Variants in C18orf63 observed in about 807,000 individuals in gnomAD.
C18orf63 encodes uncharacterized protein C18orf63.
Under a neutral mutation model 75.3 loss-of-function variants are expected in C18orf63, and 50 were observed. That is an observed-to-expected ratio of 0.66 (90% CI 0.53 to 0.84). The LOEUF (loss-of-function observed/expected upper bound fraction) is 0.84. Among genes scored for constraint, C18orf63 ranks in the 40% least tolerant of loss-of-function variants. The pLI is 0.00. For synonymous variants in C18orf63, 232 were observed against 267.6 expected, an observed-to-expected ratio of 0.87 and a Z score of 1.30; for missense variants, 732 against 800.2, an observed-to-expected ratio of 0.91 and a Z score of 1.03.
chr18:74,356,919 A>C lies in C18orf63; in HGVS notation c.*472A>C, dbSNP rs1384976210. 2 of 152,020 alleles carry C rather than the reference A, an allele frequency of 1.3e-5. No individual in the cohort carries two copies. Among genetic ancestry groups the C allele is most frequent in the Non-Finnish European group, 2.9e-5 (2 of 67,994 alleles). The allele number at this position is 152,020 out of a possible 1,614,324, so 9.4% of individuals were successfully genotyped here. A position where few individuals can be genotyped will look rare whatever the true frequency, so the allele number is the denominator to read the frequency against. On this transcript the variant is annotated 3_prime_UTR_variant, in exon 14 of 14. Transcript: ENST00000579455. ...TCACAGACATGCTTTTTTTTGCTAT[A>C]ATCTTTTAAAGCAAATTCAAGACAT... is the stretch of plus-strand genomic sequence containing the variant.
chr18:74,333,802 T>C (rs1387540235), intron 7 of C18orf63, among the ~76,000 whole-genome samples: 1 of 152,160 alleles, frequency 6.6e-6, no homozygotes, highest in Admixed American at 6.5e-5. Context: ...TATGTGTTAG[T>C]AGAGCTTTCT....
intron 7 of C18orf63, among the ~76,000 whole-genome samples, chr18:74,336,472 T>C (rs1984393249): frequency 6.6e-6 from 1 of 152,074 alleles, no homozygotes; most frequent in African/African-American, 2.4e-5. Flanking sequence ...AATAATCTCC[T>C]CTCTTGATTT....
intron 6 of C18orf63, among the ~76,000 whole-genome samples, chr18:74,330,398 A>G (rs1984284907): frequency 6.6e-6 from 1 of 152,180 alleles, no homozygotes; most frequent in South Asian, 2.1e-4. Flanking sequence ...TGAAAAAGAA[A>G]GGTAAAGACT....
chr18:74,324,118 A>G (rs999043557), intron 4 of C18orf63, among the ~76,000 whole-genome samples: 3 of 152,246 alleles, frequency 2.0e-5, no homozygotes, highest in Non-Finnish European at 4.4e-5. Flanking sequence ...AAAGTATACA[A>G]TAATCATACA....
chr18:74,334,232 T>C (rs1984355328), intron 7 of C18orf63, among the ~76,000 whole-genome samples: 1 of 151,982 alleles, frequency 6.6e-6, no homozygotes, highest in African/African-American at 2.4e-5. Context: ...AAATACAAGT[T>C]ACAATAGGAT....
At chr18:74,355,865 T>G (rs1984756000) in intron 13 of C18orf63, among the ~76,000 whole-genome samples, 1 of 152,044 alleles carries the variant, frequency 6.6e-6, no homozygotes, top group African/African-American at 2.4e-5. Flanking sequence ...GCCATTGCAC[T>G]CCAGCCTGGG....
chr18:74,353,451 G>C lies in C18orf63; in HGVS notation c.1184G>C (p.Arg395Thr). 1 of 1,536,364 alleles carries C rather than the reference G, an allele frequency of 6.5e-7. No individual in the cohort carries two copies. The highest frequency in any genetic ancestry group is 1.2e-5 in the South Asian group (1 of 84,062). Residue 395 changes from arginine to threonine, a missense_variant, in exon 12 of 14, where the codon AGA becomes ACA. By Grantham distance (71) the Arg-to-Thr change is moderately conservative (BLOSUM62 -1). Around this residue, in one of 3 missense-constraint regions of C18orf63, gnomAD observed 495 missense variants for 508.7 expected, o/e 0.97. Transcript: ENST00000579455. ...LHLQPESVQG[R>T]KKSLSIRAPQ... Reference sequence around the variant, plus strand: ...CTCCAGCCAGAGTCTGTTCAGGGTAGAAAGAAATCCCTGTCTATCAGGGCT... The same window carrying C: ...CTCCAGCCAGAGTCTGTTCAGGGTACAAAGAAATCCCTGTCTATCAGGGCT...
At position 74,354,173 on chromosome 18, in the gene C18orf63, TCTA is replaced by T. The variant is rs1292892358; in HGVS notation, c.1907_1909del (p.Ser636_Lys637delinsTer). 1 of 1,536,162 alleles carries T rather than the reference TCTA, an allele frequency of 6.5e-7. No individual in the cohort carries two copies. Among genetic ancestry groups the T allele is most frequent in the South Asian group, 1.2e-5 (1 of 84,034 alleles). On this transcript the variant is annotated stop_gained and inframe_deletion, in exon 12 of 14. Coordinates refer to ENST00000579455, the MANE Select transcript of C18orf63 (RefSeq NM_001174123.2). LOFTEE classifies it high-confidence loss of function. ...GATAGTAAGCAAAATAGCCCACAGG[TCTA>T]AAAGAAAATTATGTCCAGAGTCTTC...
rs1984017953 is a variant in C18orf63, at chr18:74,316,126, G to C, written c.-33+17G>C. On this transcript the variant is annotated intron_variant, in intron 1 of 13. Coordinates refer to ENST00000579455, the MANE Select transcript of C18orf63 (RefSeq NM_001174123.2). ...TTCCAGTTTGTAAGACCATTTTCCT[G>C]ATTCTCTTCCCCACGGTTGCGGAGG... The C allele has an allele frequency of 2.6e-5, 4 of 152,270 alleles. No homozygotes were observed. In the South Asian group the frequency reaches 8.3e-4, roughly 32 times the overall value. The allele number at this position is 152,270 out of a possible 1,614,324, so 9.4% of individuals were successfully genotyped here.
chr18:74,328,140 T>C, intron 5 of C18orf63, 82 bp downstream of exon 5: 3 of 813,176 alleles, frequency 3.7e-6, no homozygotes, highest in Non-Finnish European at 4.0e-6. Flanking sequence ...CTCATGCTGC[T>C]AATAAAGACA....
intron 3 of C18orf63, among the ~76,000 whole-genome samples, chr18:74,320,908 T>C (rs1165930386): frequency 1.3e-5 from 2 of 152,202 alleles, no homozygotes; most frequent in African/African-American, 4.8e-5. Flanking sequence ...TTTTATTCTT[T>C]AGACTAAAAG....
At chr18:74,340,838 C>CCGGG in intron 8 of C18orf63, among the ~76,000 whole-genome samples, 1 of 152,044 alleles carries the variant, frequency 6.6e-6, no homozygotes, top group African/African-American at 2.4e-5. Context: ...ATAGTGCTTA[C>CCGGG]CGGGGCTGGG....
intron 5 of C18orf63, 75 bp from the exon 6 acceptor site, chr18:74,328,920 C>T (rs974867673): frequency 5.4e-5 from 44 of 817,398 alleles, no homozygotes; most frequent in Non-Finnish European, 8.0e-5. Flanking sequence ...AATCTCACAT[C>T]AAGCATAGTT....
At chr18:74,332,882 A>T (rs1387504587) in intron 7 of C18orf63, among the ~76,000 whole-genome samples, 1 of 152,190 alleles carries the variant, frequency 6.6e-6, no homozygotes, top group African/African-American at 2.4e-5. Context: ...GAAGACTAAT[A>T]TTGTGGCTTA....
chr18:74,343,846 GTTA>G (rs765344115), intron 11 of C18orf63, 144 bp downstream of exon 11: 3 of 431,198 alleles, frequency 7.0e-6, no homozygotes, highest in Non-Finnish European at 1.2e-5. Context: ...AAAACTATTT[GTTA>G]TTATTATTAC....
intron 6 of C18orf63, 63 bp downstream of exon 6, chr18:74,329,099 G>A: frequency 9.3e-7 from 1 of 1,077,440 alleles, no homozygotes; most frequent in Non-Finnish European, 1.4e-6. Context: ...AAAGAAAACA[G>A]TATCATATGC....
intron 11 of C18orf63, among the ~76,000 whole-genome samples, chr18:74,350,768 G>A (rs1033228765): frequency 2.0e-5 from 3 of 152,100 alleles, no homozygotes; most frequent in Admixed American, 2.0e-4. Flanking sequence ...AACTTAGCTG[G>A]GTTTTCTTTG....
At chr18:74,340,766 C>A (rs1984467001) in intron 8 of C18orf63, among the ~76,000 whole-genome samples, 1 of 151,956 alleles carries the variant, frequency 6.6e-6, no homozygotes, top group African/African-American at 2.4e-5. Flanking sequence ...AAGACAAATA[C>A]CTTATGACCT....
chr18:74,327,833 A>G, intron 4 of C18orf63, 114 bp from the exon 5 acceptor site: 1 of 651,200 alleles, frequency 1.5e-6, no homozygotes, highest in Non-Finnish European at 2.7e-6. Flanking sequence ...AGTTTTACCT[A>G]GAACACCCGA....
Sources: gnomAD v4.1 joint callset for allele counts (sites outside exome capture counted in the v4.1 genomes callset) on GRCh38, gnomAD v4.1.1 for gene constraint, gnomAD v4.1.1 regional missense constraint, MANE v1.5 for transcripts, NCBI Gene and HGNC (gene_info 2026-07-23, HGNC 2026-07-21) for gene names.